The following MRPS22 variants were observed in gnomAD, a reference collection of about 807,000 sequenced individuals.
MRPS22 encodes the protein small ribosomal subunit protein mS22.
MRPS22 carries 30 observed loss-of-function variants against 44.0 expected under a neutral mutation model. The ratio of observed to expected loss-of-function variants is 0.68; its 90% CI spans 0.51 to 0.93. The LOEUF (loss-of-function observed/expected upper bound fraction) is 0.93. Ranked by LOEUF, MRPS22 falls within the 40% of genes least tolerant of loss-of-function variation. The pLI is 0.00. For synonymous variants in MRPS22, 165 were observed against 154.4 expected (o/e 1.07, Z -0.51); for missense variants, 447 against 447.8 (o/e 1.00, Z 0.02).
chr3:139,344,005 G>A (rs1300617032), upstream of MRPS22: 2 of 1,613,974 alleles, frequency 1.2e-6, no homozygotes, highest in African/African-American at 2.7e-5. Flanking sequence ...ACCACTTCCG[G>A]CGCAAGTGGC....
chr3:139,346,894 A>G lies in MRPS22; in HGVS notation c.189A>G (p.Pro63=). The G allele has an allele frequency of 6.2e-7, 1 of 1,614,158 alleles. No individual in the cohort carries two copies. The highest frequency in any genetic ancestry group is 2.2e-5 in the East Asian group (1 of 44,872). Residue 63 remains proline, a synonymous_variant, in exon 2 of 8, where the codon CCA becomes CCG. Transcript: ENST00000680020. ...FSSEAAESGS[P]ETKKPTFMDE... is the part of the protein sequence containing the mutation. ...CCATTTTAGCAGAATCTGGTAGCCC[A>G]GAGACCAAGAAACCTACATTTATGG...
At chr3:139,348,044 C>A in intron 2 of MRPS22, 116 bp from the exon 3 acceptor site, 2 of 1,088,910 alleles carry the variant, frequency 1.8e-6, no homozygotes, top group Non-Finnish European at 2.7e-6. Flanking sequence ...TGATTTGTGG[C>A]TACACCTTCT....
intron 5 of MRPS22, 100 bp from the exon 6 acceptor site, chr3:139,352,547 T>C (rs1238698221): frequency 1.8e-5 from 19 of 1,071,032 alleles, no homozygotes; most frequent in Non-Finnish European, 2.6e-5. Flanking sequence ...AGACCTGGTT[T>C]TACTTGCTTG....
chr3:139,352,502 A>C, intron 5 of MRPS22, 145 bp from the exon 6 acceptor site: 3 of 683,584 alleles, frequency 4.4e-6, no homozygotes, highest in Non-Finnish European at 7.9e-6. Context: ...TTTAAATCAT[A>C]CCAATTGGTT....
chr3:139,352,556 T>C, intron 5 of MRPS22, 91 bp from the exon 6 acceptor site: 1 of 1,172,200 alleles, frequency 8.5e-7, no homozygotes, highest in South Asian at 1.2e-5. Flanking sequence ...TTTACTTGCT[T>C]GGGCAGCACT....
rs184892522 is a variant in MRPS22, at chr3:139,353,587, A to G, written c.878+795A>G. Reference sequence around the variant, plus strand: ...AACATGTAATACAAACCATATACACAAAGGTAAGGCATGTGGAACTGAAAG... The same window carrying G: ...AACATGTAATACAAACCATATACACGAAGGTAAGGCATGTGGAACTGAAAG... On this transcript the variant is annotated intron_variant, in intron 6 of 7. Coordinates refer to ENST00000680020, the MANE Select transcript of MRPS22 (RefSeq NM_020191.4). Among the ~76,000 whole-genome samples the G allele has an allele frequency of 1.7e-3, 262 of 152,308 alleles. 1 individual carries two copies. The highest frequency in any genetic ancestry group is 4.7e-3 in the African/African-American group (195 of 41,576).
At chr3:139,355,937 T>C in intron 7 of MRPS22, 147 bp downstream of exon 7, 1 of 725,646 alleles carries the variant, frequency 1.4e-6, no homozygotes, top group Non-Finnish European at 2.5e-6. Flanking sequence ...TTTGTCCCCA[T>C]ATTTCTTCAG....
At chr3:139,344,318 A>C (rs1224102673) in intron 1 of MRPS22, 120 bp downstream of exon 1, 1 of 1,113,132 alleles carries the variant, frequency 9.0e-7, no homozygotes, top group Non-Finnish European at 1.3e-6. Context: ...CCTCAGATTC[A>C]GCTGTCTTCC....
chr3:139,356,534 C>T (rs1941270102), intron 7 of MRPS22, among the ~76,000 whole-genome samples: 2 of 152,162 alleles, frequency 1.3e-5, no homozygotes, highest in South Asian at 2.1e-4. Flanking sequence ...TCTTTATGAA[C>T]CTGATAAAGC....
Position 139,348,283 on chromosome 3 carries a change from A to G in MRPS22, c.463A>G (p.Lys155Glu). 6.2e-7 allele frequency: 1 copy of G among 1,614,112 alleles called. No individual in the cohort carries two copies. The highest frequency in any genetic ancestry group is 8.5e-7 in the Non-Finnish European group (1 of 1,179,988). Residue 155 changes from lysine to glutamate, a missense_variant, in exon 3 of 8, where the codon AAA becomes GAA. Coordinates refer to ENST00000680020, the MANE Select transcript of MRPS22 (RefSeq NM_020191.4). ...DKILEGTETT[K>E]YVFTDISYSI... ...GATTTTGGAAGGAACAGAAACAACC[A>G]AATATGTGTTTACTGATATATCATA...
In MRPS22 at chr3:139,356,902, C is replaced by CTT. The variant is rs914494419; in HGVS notation, c.988-13_988-12dup. The CTT allele has an allele frequency of 1.3e-6, 2 of 1,584,640 alleles. No individual in the cohort carries two copies. Among genetic ancestry groups the CTT allele is most frequent in the Non-Finnish European group, 1.7e-6 (2 of 1,154,830 alleles). On this transcript the variant is annotated splice_polypyrimidine_tract_variant and intron_variant, in intron 7 of 7. Coordinates refer to ENST00000680020, the MANE Select transcript of MRPS22 (RefSeq NM_020191.4). Reference sequence around the variant, plus strand: ...ATATGTCCTATTGTTTTAAAATTTTCTTTTTAATTTAAACAGGTCTTTGCA... The same window carrying CTT: ...ATATGTCCTATTGTTTTAAAATTTTCTTTTTTTAATTTAAACAGGTCTTTGCA...
chr3:139,351,286 A>G (rs1198455236), intron 5 of MRPS22: 2 of 516,428 alleles, frequency 3.9e-6, no homozygotes, highest in African/African-American at 1.9e-5. Flanking sequence ...TAGCTTGCTG[A>G]AAGTTGCATA....
intron 1 of MRPS22, among the ~76,000 whole-genome samples, chr3:139,346,613 A>C (rs955437231): frequency 2.0e-5 from 3 of 152,354 alleles, no homozygotes; most frequent in African/African-American, 7.2e-5. Context: ...CAACCATTAC[A>C]GTTATTACAT....
Position 139,344,076 on chromosome 3 carries a change from C to T in MRPS22, c.50C>T (p.Ser17Phe), listed in dbSNP as rs774588858. 2 of 1,614,190 alleles carry T rather than the reference C, an allele frequency of 1.2e-6. No homozygotes were observed. Among genetic ancestry groups the T allele is most frequent in the Admixed American group, 1.7e-5 (1 of 60,030 alleles). ...TVLLWSLLRS[S>F]PGVERVCFRA... ...TTGCTGTGGAGCCTCTTGAGGAGTT[C>T]TCCGGGCGTGGAACGGGTCTGTTTC... The change falls in exon 1 of 8, where the codon TCT (serine) becomes TTT (phenylalanine). Residue 17 changes from serine (S) to phenylalanine (F), a missense_variant. By Grantham distance (155) the Ser-to-Phe change is radical. Transcript: ENST00000680020.
intron 7 of MRPS22, 31 bp downstream of exon 7, chr3:139,355,821 G>T: frequency 6.5e-7 from 1 of 1,546,630 alleles, no homozygotes; most frequent in Non-Finnish European, 8.9e-7. Context: ...TGGTTGTTTT[G>T]TGGTGGTAAT....
chr3:139,352,599 A>G, intron 5 of MRPS22, 48 bp from the exon 6 acceptor site: 4 of 1,567,928 alleles, frequency 2.6e-6, no homozygotes, highest in Non-Finnish European at 3.5e-6. Flanking sequence ...ATAATGCTGC[A>G]TACTTCTTAT....
Position 139,352,655 on chromosome 3 carries a change from C to CAG in MRPS22, c.742_743insGA (p.Lys248ArgfsTer7), listed in dbSNP as rs767967295. On this transcript the variant is annotated frameshift_variant, in exon 6 of 8. Coordinates refer to ENST00000680020, the MANE Select transcript of MRPS22 (RefSeq NM_020191.4). LOFTEE classifies it high-confidence loss of function. ...GCATTTTATGTGGATAGGTTCATCA[C>CAG]AAGACCTATGAAGATATAGATAAAC... The CAG allele has an allele frequency of 6.7e-5, 108 of 1,612,886 alleles. No homozygotes were observed. The highest frequency in any genetic ancestry group is 8.5e-5 in the Non-Finnish European group (100 of 1,179,124).
intron 2 of MRPS22, among the ~76,000 whole-genome samples, chr3:139,347,446 TG>T (rs1941060946): frequency 6.6e-6 from 1 of 152,150 alleles, no homozygotes; most frequent in African/African-American, 2.4e-5. Context: ...CTCAGTACCA[TG>T]GGTACTGAGT....
intron 3 of MRPS22, chr3:139,349,193 G>A: frequency 5.0e-6 from 2 of 401,186 alleles, no homozygotes; most frequent in Non-Finnish European, 9.7e-6. Context: ...GCAGTGCTGT[G>A]CATGTTGGTT....
Sources: gnomAD v4.1 joint callset for allele counts (sites outside exome capture counted in the v4.1 genomes callset) on GRCh38, gnomAD v4.1.1 for gene constraint, MANE v1.5 for transcripts, NCBI Gene and HGNC (gene_info 2026-07-23, HGNC 2026-07-21) for gene names.